Variants in SGCD observed in about 807,000 individuals in gnomAD.
SGCD encodes the protein sarcoglycan delta.
Under a neutral mutation model 36.6 loss-of-function variants are expected in SGCD, and 18 were observed. That is an observed-to-expected ratio of 0.49 (90% CI 0.34 to 0.73). SGCD has a LOEUF of 0.73. Ranked by LOEUF, SGCD falls within the 30% of genes least tolerant of loss-of-function variation. The pLI is 0.01. For missense variants in SGCD, 387 were observed against 346.7 expected, an observed-to-expected ratio of 1.12 and a Z score of -0.92; for synonymous variants, 133 against 130.6, an observed-to-expected ratio of 1.02 and a Z score of -0.12.
intron 4 of SGCD, among the ~76,000 whole-genome samples, chr5:156,558,112 T>C (rs887039754): frequency 1.3e-4 from 17 of 134,898 alleles, no homozygotes; most frequent in Non-Finnish European, 2.2e-4. Context: ...TATATATATA[T>C]ATATATATAT....
intron 1 of SGCD, among the ~76,000 whole-genome samples, chr5:156,035,653 G>A (rs1276287022): frequency 1.3e-5 from 2 of 152,004 alleles, no homozygotes; most frequent in African/African-American, 4.8e-5. Flanking sequence ...AGTAGAATGG[G>A]GTGGCTATTT....
At chr5:156,580,774 A>C (rs1369547809) in intron 4 of SGCD, among the ~76,000 whole-genome samples, 1 of 152,096 alleles carries the variant, frequency 6.6e-6, no homozygotes, top group African/African-American at 2.4e-5. Flanking sequence ...TCTTCTCTAC[A>C]CTATTTATTC....
At chr5:155,784,110 A>G in the SGCD span, among the ~76,000 whole-genome samples, 4 of 152,196 alleles carry the variant, frequency 2.6e-5, no homozygotes, top group African/African-American at 9.6e-5. Context: ...AGATGAGGCC[A>G]TATGCCACGT....
intron 4 of SGCD, among the ~76,000 whole-genome samples, chr5:156,579,257 T>G (rs1248121596): frequency 1.3e-5 from 2 of 152,216 alleles, no homozygotes; most frequent in Non-Finnish European, 2.9e-5. Context: ...TCTAATTTGA[T>G]TGCACTGTGA....
At chr5:156,453,110 G>T (rs1754096161) in intron 3 of SGCD, among the ~76,000 whole-genome samples, 1 of 152,122 alleles carries the variant, frequency 6.6e-6, no homozygotes, top group Admixed American at 6.6e-5. Context: ...AAGACAAATA[G>T]AATAGCATGA....
intron 7 of SGCD, among the ~76,000 whole-genome samples, chr5:156,719,547 G>A (rs1413689368): frequency 1.3e-5 from 2 of 152,148 alleles, no homozygotes; most frequent in African/African-American, 4.8e-5. Context: ...CCTAACTGCT[G>A]TATCTAGCAC....
At chr5:155,915,929 G>A (rs1756725351) in intron 1 of SGCD, among the ~76,000 whole-genome samples, 1 of 152,216 alleles carries the variant, frequency 6.6e-6, no homozygotes, top group South Asian at 2.1e-4. Context: ...CAAAATTGGT[G>A]TGTGAAAGAG....
rs138218403 is a variant in SGCD, at chr5:155,939,038, A to G, written c.-282+68614A>G. ...ATATAAGAGACAATAGCAGAGAGTC[A>G]ATTGGCAGTTACCAGGGACTGGAGG... On this transcript the variant is annotated intron_variant, in intron 1 of 9. Transcript: ENST00000517913. Among the ~76,000 whole-genome samples the G allele has an allele frequency of 3.7e-3, 568 of 152,328 alleles. 4 individuals carry two copies. Among genetic ancestry groups the G allele is most frequent in the African/African-American group, 0.013 (549 of 41,572 alleles).
In SGCD at chr5:156,072,913, T is replaced by G. The variant is rs146350472; in HGVS notation, c.-281-44965T>G. Among the ~76,000 whole-genome samples, 331 of 152,348 alleles carry G rather than the reference T, an allele frequency of 2.2e-3. 2 individuals carry two copies. Among genetic ancestry groups the G allele is most frequent in the African/African-American group, 5.0e-3 (209 of 41,570 alleles). ...CCATCACTGACACCCTTTGTTCCAG[T>G]TGATCGCATCGGCTCCTGAGGCTTC... On this transcript the variant is annotated intron_variant, in intron 1 of 9. Coordinates refer to the SGCD transcript ENST00000517913.
At chr5:155,751,977 G>A in the SGCD span, among the ~76,000 whole-genome samples, 5 of 152,098 alleles carry the variant, frequency 3.3e-5, 1 homozygote, top group African/African-American at 1.2e-4. Flanking sequence ...TGCTAAACAT[G>A]ACCAGTGACC....
intron 1 of SGCD, among the ~76,000 whole-genome samples, chr5:156,105,332 G>A (rs1761619407): frequency 6.6e-6 from 1 of 152,110 alleles, no homozygotes; most frequent in South Asian, 2.1e-4. Flanking sequence ...TAATATGTGT[G>A]CCCTCCTGTA....
chr5:156,056,645 T>TAAAAAAAAAAAAA lies in SGCD; in HGVS notation c.-281-61225_-281-61213dup, dbSNP rs561328077. Among the ~76,000 whole-genome samples, 49 of 68,264 alleles carry TAAAAAAAAAAAAA rather than the reference T, an allele frequency of 7.2e-4. 1 individual carries two copies. The highest frequency in any genetic ancestry group is 2.8e-3 in the African/African-American group (40 of 14,050). 44.8% of individuals were successfully genotyped at this position (68,264 alleles called of 152,430 possible). A position where few individuals can be genotyped will look rare whatever the true frequency, so the allele number is the denominator to read the frequency against. ...GGTCCCCTACCTGCCAAATTATCCT[T>TAAAAAAAAAAAAA]AAAAAAAAAAAAAAAAAAAACAGTC... On this transcript the variant is annotated intron_variant, in intron 1 of 9. Coordinates refer to the SGCD transcript ENST00000517913.
At chr5:156,011,600 G>T (rs959298094) in intron 1 of SGCD, among the ~76,000 whole-genome samples, 3 of 151,844 alleles carry the variant, frequency 2.0e-5, no homozygotes, top group Non-Finnish European at 1.5e-5. Flanking sequence ...CCACTGTGCC[G>T]GCCAATTTTT....
chr5:156,244,333 T>TA (rs1765387748), intron 3 of SGCD, among the ~76,000 whole-genome samples: 1 of 152,196 alleles, frequency 6.6e-6, no homozygotes, highest in South Asian at 2.1e-4. Flanking sequence ...CCTTTTGCTG[T>TA]AAAAAACATT....
intron 7 of SGCD, among the ~76,000 whole-genome samples, chr5:156,673,183 A>G (rs1041332192): frequency 1.3e-5 from 2 of 152,214 alleles, no homozygotes; most frequent in Admixed American, 1.3e-4. Context: ...CACATTGTTT[A>G]TGAAGGAGGG....
chr5:156,300,126 A>C (rs1767014552), intron 3 of SGCD, among the ~76,000 whole-genome samples: 1 of 152,080 alleles, frequency 6.6e-6, no homozygotes, highest in Admixed American at 6.5e-5. Flanking sequence ...GGTTTTTTAG[A>C]ATTTTTATGA....
rs575318960 is a variant in SGCD, at chr5:156,249,285, C to T, written c.-43-80249C>T. Among the ~76,000 whole-genome samples the T allele has an allele frequency of 1.2e-3, 188 of 152,078 alleles. 1 individual carries two copies. The highest frequency in any genetic ancestry group is 4.3e-3 in the African/African-American group (180 of 41,482). The stretch of plus-strand genomic sequence containing the variant: ...ACAAAAATAGGAAGAGAATGAACGG[C>T]AGAGTGAGATATTATGGAAGCTGGG... On this transcript the variant is annotated intron_variant, in intron 3 of 9. Transcript: ENST00000517913.
intron 2 of SGCD, among the ~76,000 whole-genome samples, chr5:156,334,839 T>A (rs1768260805): frequency 6.6e-6 from 1 of 152,088 alleles, no homozygotes; most frequent in African/African-American, 2.4e-5. Context: ...TGGCACATAT[T>A]TGCAGGTGGT....
At chr5:156,341,097 A>G (rs985090018) in intron 2 of SGCD, among the ~76,000 whole-genome samples, 3 of 152,150 alleles carry the variant, frequency 2.0e-5, no homozygotes, top group African/African-American at 7.2e-5. Context: ...ACATGCAATA[A>G]GCCACTATAC....
Sources: allele counts gnomAD v4.1 joint callset (sites outside exome capture counted in the v4.1 genomes callset), GRCh38; gene constraint gnomAD v4.1.1; transcripts MANE v1.5; gene names NCBI Gene and HGNC (gene_info 2026-07-23, HGNC 2026-07-21).